Variants in NAA11 observed in about 807,000 individuals in gnomAD.
The protein encoded by NAA11 is N-alpha-acetyltransferase 11, NatA catalytic subunit, also known as N-alpha-acetyltransferase 11.
A neutral mutation model predicts 16.1 loss-of-function variants in NAA11; 15 were observed. The ratio of observed to expected loss-of-function variants is 0.93; its 90% CI spans 0.62 to 1.44. The LOEUF is 1.44. NAA11 is among the 40% of genes most tolerant of loss of function. NAA11 has a pLI of 0.00. For missense variants in NAA11, 298 were observed against 291.3 expected (o/e 1.02, Z -0.17); for synonymous variants, 122 against 112.4 (o/e 1.09, Z -0.54).
At chr4:79,171,809 A>G in the NAA11 span, among the ~76,000 whole-genome samples, 2 of 152,170 alleles carry the variant, frequency 1.3e-5, no homozygotes, top group Non-Finnish European at 2.9e-5. Flanking sequence ...TACTTAGCAA[A>G]TTCTTAAAGG....
the NAA11 span, among the ~76,000 whole-genome samples, chr4:79,217,402 C>T: frequency 1.3e-5 from 2 of 152,180 alleles, no homozygotes; most frequent in Non-Finnish European, 1.5e-5. Flanking sequence ...TGGTGACTAT[C>T]TCATTTTCCC....
the NAA11 span, among the ~76,000 whole-genome samples, chr4:79,181,170 T>C: frequency 2.0e-5 from 3 of 151,086 alleles, no homozygotes; most frequent in Admixed American, 6.6e-5. Context: ...ATGGCACATG[T>C]ATACATATGT....
chr4:79,202,142 T>C, the NAA11 span, among the ~76,000 whole-genome samples: 6 of 151,612 alleles, frequency 4.0e-5, no homozygotes, highest in Non-Finnish European at 8.9e-5. Flanking sequence ...GAGATCAACC[T>C]TTTTAGATTC....
chr4:79,247,497 A>G (rs1201160482), intron 2 of NAA11, among the ~76,000 whole-genome samples: 1 of 152,156 alleles, frequency 6.6e-6, no homozygotes, highest in African/African-American at 2.4e-5. Flanking sequence ...TAGAGACAAT[A>G]CTTAATGATT....
the NAA11 span, among the ~76,000 whole-genome samples, chr4:79,208,608 G>A: frequency 6.6e-6 from 1 of 151,992 alleles, no homozygotes; most frequent in Admixed American, 6.6e-5. Context: ...AGTCCAGGAA[G>A]TAGTTCTACA....
chr4:79,303,035 T>G (rs1713638361), intron 1 of NAA11, among the ~76,000 whole-genome samples: 1 of 146,874 alleles, frequency 6.8e-6, no homozygotes, highest in African/African-American at 2.5e-5. Context: ...CTTTTTAATT[T>G]GTGCATCCTT....
intron 2 of NAA11, among the ~76,000 whole-genome samples, chr4:79,260,995 T>G (rs1219726215): frequency 2.0e-5 from 3 of 152,260 alleles, no homozygotes; most frequent in Non-Finnish European, 4.4e-5. Context: ...TATGTCATTT[T>G]TTAGAACTAT....
At chr4:79,245,873 G>A (rs1449913591) in intron 2 of NAA11, among the ~76,000 whole-genome samples, 1 of 152,228 alleles carries the variant, frequency 6.6e-6, no homozygotes, top group Non-Finnish European at 1.5e-5. Flanking sequence ...ACCCCTTCTG[G>A]GAGGTGTACC....
chr4:79,254,736 T>A (rs1343222656), intron 2 of NAA11, among the ~76,000 whole-genome samples: 1 of 151,158 alleles, frequency 6.6e-6, no homozygotes, highest in Non-Finnish European at 1.5e-5. Flanking sequence ...AGGGTACATG[T>A]GCACAACATG....
intron 2 of NAA11, among the ~76,000 whole-genome samples, chr4:79,293,319 C>A (rs1010614678): frequency 2.6e-5 from 4 of 152,146 alleles, no homozygotes; most frequent in Admixed American, 2.6e-4. Flanking sequence ...GTGCTGCCAA[C>A]TTTTCTTGAC....
At chr4:79,280,086 AG>A (rs999516939) in intron 2 of NAA11, among the ~76,000 whole-genome samples, 1 of 152,132 alleles carries the variant, frequency 6.6e-6, no homozygotes, top group Non-Finnish European at 1.5e-5. Flanking sequence ...CATTTTTTAA[AG>A]GACCTATAAT....
At chr4:79,316,003 A>G (rs1038368388), downstream of NAA11, among the ~76,000 whole-genome samples, 14 of 152,258 alleles carry the variant, frequency 9.2e-5, no homozygotes, top group African/African-American at 3.1e-4. Flanking sequence ...GTCATATATC[A>G]TTTCCCATTT....
chr4:79,167,463 T>C, the NAA11 span, among the ~76,000 whole-genome samples: 2 of 151,588 alleles, frequency 1.3e-5, no homozygotes, highest in African/African-American at 4.9e-5. Flanking sequence ...ATAGGGATAA[T>C]AGTATCTGCA....
intron 2 of NAA11, among the ~76,000 whole-genome samples, chr4:79,287,961 C>G (rs1722985570): frequency 6.6e-6 from 1 of 152,048 alleles, no homozygotes; most frequent in Non-Finnish European, 1.5e-5. Context: ...ATGTCAGGCT[C>G]AAAACAATGA....
the NAA11 span, among the ~76,000 whole-genome samples, chr4:79,188,539 C>T: frequency 6.6e-6 from 1 of 151,380 alleles, no homozygotes; most frequent in Non-Finnish European, 1.5e-5. Context: ...GAGCCGAGAT[C>T]TCGCCACTGC....
chr4:79,220,447 G>A, the NAA11 span, among the ~76,000 whole-genome samples: 2 of 151,440 alleles, frequency 1.3e-5, no homozygotes, highest in Non-Finnish European at 2.9e-5. Flanking sequence ...CTGTGTGTGT[G>A]TGTGTGTGTG....
chr4:79,256,651 A>T lies in NAA11; in HGVS notation c.*123-30381T>A, dbSNP rs202160554. Among the ~76,000 whole-genome samples, 632 of 130,368 alleles carry T rather than the reference A, an allele frequency of 4.8e-3. 23 individuals carry two copies. Among genetic ancestry groups the T allele is most frequent in the African/African-American group, 0.016 (529 of 32,300 alleles). The allele number at this position is 130,368 out of a possible 152,430, so 85.5% of individuals were successfully genotyped here. On this transcript the variant is annotated intron_variant and NMD_transcript_variant, in intron 2 of 2. Transcript: ENST00000511542. Reference sequence around the variant, plus strand: ...AATGAACCATATATATATAAATATAAATATATATATATATATATTGACACG... The same window carrying T: ...AATGAACCATATATATATAAATATATATATATATATATATATATTGACACG...
chr4:79,323,392 TAAG>T (rs1484882550), intron 1 of NAA11, among the ~76,000 whole-genome samples: 2 of 152,174 alleles, frequency 1.3e-5, no homozygotes. Flanking sequence ...AAGTGTGTAT[TAAG>T]AAGTACAAGA....
intron 1 of NAA11, chr4:79,308,475 C>T (rs1056470229): frequency 2.0e-5 from 3 of 152,132 alleles, no homozygotes; most frequent in African/African-American, 7.2e-5. Flanking sequence ...ATTAAGATTA[C>T]AAATTAAAGC....
Sources: gnomAD v4.1 joint callset for allele counts (sites outside exome capture counted in the v4.1 genomes callset) on GRCh38, gnomAD v4.1.1 for gene constraint, MANE v1.5 for transcripts, NCBI Gene and HGNC (gene_info 2026-07-23, HGNC 2026-07-21) for gene names.